Variants in C8orf34 observed in about 807,000 individuals in gnomAD.
The protein encoded by C8orf34 is chromosome 8 open reading frame 34, also known as uncharacterized protein C8orf34.
Under a neutral mutation model 68.3 loss-of-function variants are expected in C8orf34, and 65 were observed. The ratio of observed to expected loss-of-function variants is 0.95; its 90% CI spans 0.78 to 1.17. The LOEUF (loss-of-function observed/expected upper bound fraction) is 1.17. Among genes scored for constraint, C8orf34 ranks in the 50% most tolerant of loss-of-function variants. The probability of loss-of-function intolerance (pLI) is 0.00; values close to 1 mark genes in which losing one functional copy is unlikely to be tolerated. For synonymous variants in C8orf34, 244 were observed against 241.2 expected, an observed-to-expected ratio of 1.01 and a Z score of -0.11; for missense variants, 664 against 655.4, an observed-to-expected ratio of 1.01 and a Z score of -0.14.
At chr8:68,546,402 A>G (rs936199251) in intron 7 of C8orf34, among the ~76,000 whole-genome samples, 3 of 152,098 alleles carry the variant, frequency 2.0e-5, no homozygotes, top group East Asian at 1.9e-4. Context: ...AAAGAGAGTT[A>G]TAGCTTAATG....
At chr8:68,517,445 C>T (rs1814567783) in intron 5 of C8orf34, among the ~76,000 whole-genome samples, 1 of 152,086 alleles carries the variant, frequency 6.6e-6, no homozygotes, top group African/African-American at 2.4e-5. Context: ...TAGTAGAGCC[C>T]CATTTTTCAC....
In C8orf34 at chr8:68,330,985, G is replaced by T. The variant is rs1805548121; in HGVS notation, c.-28G>T. 1 of 1,375,686 alleles carries T rather than the reference G, an allele frequency of 7.3e-7. No individual in the cohort carries two copies. The highest frequency in any genetic ancestry group is 9.3e-7 in the Non-Finnish European group (1 of 1,071,652). 85.2% of individuals were successfully genotyped at this position (1,375,686 alleles called of 1,614,324 possible). A position where few individuals can be genotyped will look rare whatever the true frequency, so the allele number is the denominator to read the frequency against. ...GCCGGGCGCTGCGGAGAGCGGCGAG[G>T]GTGGGCGCGAGGCGGAGAACGCGAT... On this transcript the variant is annotated 5_prime_UTR_variant, in exon 1 of 14. Transcript: ENST00000518698.
intron 8 of C8orf34, among the ~76,000 whole-genome samples, chr8:68,687,353 CTTCAAATTT>C (rs1193463095): frequency 6.6e-6 from 1 of 152,042 alleles, no homozygotes; most frequent in Non-Finnish European, 1.5e-5. Flanking sequence ...CATTACTGGA[CTTCAAATTT>C]TTCTACAAGG....
At chr8:68,691,579 G>T (rs1353609497) in intron 8 of C8orf34, among the ~76,000 whole-genome samples, 3 of 151,910 alleles carry the variant, frequency 2.0e-5, no homozygotes, top group African/African-American at 7.2e-5. Context: ...TTGTTTAGTT[G>T]TTTTTGTGGA....
At chr8:68,576,845 A>G (rs115463234) in intron 7 of C8orf34, among the ~76,000 whole-genome samples, 2,272 of 152,168 alleles carry the variant, frequency 0.015, 54 homozygotes, top group African/African-American at 0.052. Context: ...TAAATTTAAG[A>G]GTGAATTTAT....
intron 8 of C8orf34, among the ~76,000 whole-genome samples, chr8:68,697,506 T>G (rs562565991): frequency 7.9e-5 from 12 of 152,258 alleles, no homozygotes; most frequent in African/African-American, 2.9e-4. Context: ...ACCATAGTTG[T>G]TAGAATGATA....
intron 10 of C8orf34, among the ~76,000 whole-genome samples, chr8:68,759,229 T>A (rs900561668): frequency 1.3e-5 from 2 of 152,176 alleles, no homozygotes; most frequent in Non-Finnish European, 2.9e-5. Context: ...GAAAAAAATA[T>A]TAAATTATCA....
At chr8:68,545,564 C>T (rs568633218) in intron 7 of C8orf34, among the ~76,000 whole-genome samples, 18 of 152,130 alleles carry the variant, frequency 1.2e-4, no homozygotes, top group Admixed American at 5.9e-4. Context: ...GGAATAACTA[C>T]GGCCAAAACA....
chr8:68,412,327 T>C (rs1809477904), intron 1 of C8orf34, among the ~76,000 whole-genome samples: 1 of 152,222 alleles, frequency 6.6e-6, no homozygotes, highest in Admixed American at 6.5e-5. Context: ...TATAATTTTT[T>C]ATTTTAGTAA....
intron 5 of C8orf34, among the ~76,000 whole-genome samples, chr8:68,493,014 A>G (rs765778195): frequency 2.6e-5 from 4 of 152,238 alleles, no homozygotes; most frequent in Admixed American, 1.3e-4. Context: ...GACTATTAAA[A>G]CTAACGTTAA....
Position 68,622,735 on chromosome 8 carries a change from A to G in C8orf34, c.1106-17641A>G, listed in dbSNP as rs113808788. ...GACTGGAGATGAAACTGAAGTTAGG[A>G]AAGTTGAGAGAACAAAAAAATAAAA... On this transcript the variant is annotated intron_variant, in intron 7 of 13. Transcript: ENST00000518698. 3.3e-3 allele frequency among the ~76,000 whole-genome samples: 499 copies of G among 152,340 alleles called. 5 individuals are homozygous for G. The highest frequency in any genetic ancestry group is 0.012 in the African/African-American group (493 of 41,574).
chr8:68,732,389 C>T (rs1483596526), intron 10 of C8orf34, among the ~76,000 whole-genome samples: 1 of 152,098 alleles, frequency 6.6e-6, no homozygotes, highest in Non-Finnish European at 1.5e-5. Context: ...TTTCTTTAAT[C>T]ACTAATAAAT....
At chr8:68,615,939 A>G (rs1289443671) in intron 7 of C8orf34, among the ~76,000 whole-genome samples, 14 of 151,068 alleles carry the variant, frequency 9.3e-5, no homozygotes, top group Non-Finnish European at 1.9e-4. Context: ...TTTGGTTGGT[A>G]AGCTATTGAT....
At chr8:68,498,029 T>A (rs1813606778) in intron 5 of C8orf34, among the ~76,000 whole-genome samples, 1 of 152,156 alleles carries the variant, frequency 6.6e-6, no homozygotes, top group Non-Finnish European at 1.5e-5. Flanking sequence ...GGTTTCTCCA[T>A]GTTGGTCAGG....
intron 7 of C8orf34, among the ~76,000 whole-genome samples, chr8:68,616,091 G>T (rs1329070526): frequency 6.6e-6 from 1 of 151,406 alleles, no homozygotes; most frequent in Non-Finnish European, 1.5e-5. Flanking sequence ...GGTGTTTGTA[G>T]TATTCTCTGA....
chr8:68,719,105 C>T (rs930516875), intron 9 of C8orf34, among the ~76,000 whole-genome samples: 2 of 152,084 alleles, frequency 1.3e-5, no homozygotes, highest in African/African-American at 4.8e-5. Context: ...GTACTTAGAA[C>T]ACATAAACAA....
Position 68,526,815 on chromosome 8 carries a change from ATG to A in C8orf34, c.938+4846_938+4847del, listed in dbSNP as rs985515651. Reference sequence around the variant, plus strand: ...AACGCATGGAATCAGATCAAACTAAATGTTTACCAACCTATGCTCAGAAAGAA... The same window carrying A: ...AACGCATGGAATCAGATCAAACTAAATTTACCAACCTATGCTCAGAAAGAA... On this transcript the variant is annotated intron_variant, in intron 6 of 13. Transcript: ENST00000518698. Among the ~76,000 whole-genome samples the A allele has an allele frequency of 2.4e-4, 36 of 152,168 alleles. 1 individual carries two copies. Among genetic ancestry groups the A allele is most frequent in the African/African-American group, 8.4e-4 (35 of 41,426 alleles).
chr8:68,402,053 G>A (rs1808981741), intron 1 of C8orf34, among the ~76,000 whole-genome samples: 1 of 152,012 alleles, frequency 6.6e-6, no homozygotes, highest in Admixed American at 6.6e-5. Flanking sequence ...CTTTTATGTT[G>A]TTGTGGGAGA....
At chr8:68,462,726 C>A (rs376964519) in intron 3 of C8orf34, among the ~76,000 whole-genome samples, 44 of 151,994 alleles carry the variant, frequency 2.9e-4, no homozygotes, top group African/African-American at 5.1e-4. Flanking sequence ...AGAAATAAAG[C>A]TGTTCTTTGA....
Sources: gnomAD v4.1 joint callset for allele counts (sites outside exome capture counted in the v4.1 genomes callset) on GRCh38, gnomAD v4.1.1 for gene constraint, MANE v1.5 for transcripts, NCBI Gene and HGNC (gene_info 2026-07-23, HGNC 2026-07-21) for gene names.